The following RARB variants were observed in gnomAD, a reference collection of about 807,000 sequenced individuals.
RARB encodes the protein retinoic acid receptor beta, also known as HBV-activated protein.
A neutral mutation model predicts 51.9 loss-of-function variants in RARB; 17 were observed. That is an observed-to-expected ratio of 0.33 (90% CI 0.22 to 0.49). The LOEUF is 0.49. RARB is among the 20% of genes least tolerant of loss of function. The pLI, the probability that RARB is intolerant of heterozygous loss-of-function variation, is 0.99. For synonymous variants in RARB, 215 were observed against 195.4 expected (o/e 1.10, Z -0.84); for missense variants, 369 against 550.8 (o/e 0.67, Z 3.30).
At chr3:25,308,302 C>A (rs1704200844) in intron 5 of RARB, among the ~76,000 whole-genome samples, 1 of 152,308 alleles carries the variant, frequency 6.6e-6, no homozygotes, top group African/African-American at 2.4e-5. Context: ...GTAGCAAGTA[C>A]AAATCTATCT....
At chr3:25,431,318 A>T (rs1243992806) in intron 1 of RARB, among the ~76,000 whole-genome samples, 2 of 152,112 alleles carry the variant, frequency 1.3e-5, no homozygotes, top group Non-Finnish European at 2.9e-5. Flanking sequence ...AACATGGAGC[A>T]CACCATCACA....
intron 2 of RARB, among the ~76,000 whole-genome samples, chr3:24,931,162 C>G (rs1695430670): frequency 6.6e-6 from 1 of 152,092 alleles, no homozygotes; most frequent in South Asian, 2.1e-4. Flanking sequence ...TCTCGTTGAA[C>G]TGAATGTATT....
intron 3 of RARB, among the ~76,000 whole-genome samples, chr3:25,506,396 A>T (rs536765719): frequency 6.6e-6 from 1 of 152,092 alleles, no homozygotes; most frequent in Admixed American, 6.6e-5. Context: ...TCTTGAGCCC[A>T]GTAGTTTGAG....
At chr3:25,202,237 A>T (rs1000689729) in intron 5 of RARB, among the ~76,000 whole-genome samples, 4 of 152,106 alleles carry the variant, frequency 2.6e-5, no homozygotes, top group Non-Finnish European at 5.9e-5. Flanking sequence ...TGTTTATAGT[A>T]TTCTCTGATG....
intron 3 of RARB, among the ~76,000 whole-genome samples, chr3:25,508,085 T>TGA (rs1451460068): frequency 6.6e-6 from 1 of 152,218 alleles, no homozygotes; most frequent in East Asian, 1.9e-4. Context: ...TGATTTTGTT[T>TGA]GAGAATGCTT....
chr3:25,573,892 G>C (rs1378321831), intron 4 of RARB, among the ~76,000 whole-genome samples: 1 of 152,062 alleles, frequency 6.6e-6, no homozygotes, highest in African/African-American at 2.4e-5. Context: ...AAATGGTTGG[G>C]TCCCCGGAGA....
chr3:25,014,509 T>C (rs1277611395), intron 2 of RARB, among the ~76,000 whole-genome samples: 3 of 152,128 alleles, frequency 2.0e-5, no homozygotes, highest in South Asian at 2.1e-4. Flanking sequence ...CCCAGTCATG[T>C]AGACGAATCT....
chr3:25,158,682 G>A (rs1700417178), intron 4 of RARB, among the ~76,000 whole-genome samples: 1 of 152,260 alleles, frequency 6.6e-6, no homozygotes, highest in African/African-American at 2.4e-5. Context: ...TGTAATTAAT[G>A]ACTTTATTTG....
intron 2 of RARB, among the ~76,000 whole-genome samples, chr3:25,030,816 G>T (rs1052741495): frequency 3.9e-5 from 6 of 152,204 alleles, no homozygotes; most frequent in African/African-American, 1.2e-4. Context: ...CTAAATGTAA[G>T]TTCAAGAGCA....
chr3:25,396,069 C>T (rs1273147930), intron 5 of RARB, among the ~76,000 whole-genome samples: 1 of 152,164 alleles, frequency 6.6e-6, no homozygotes, highest in Non-Finnish European at 1.5e-5. Flanking sequence ...ATGGGGTGTT[C>T]TCCCCCTTCC....
At chr3:25,510,612 C>T (rs1301005535) in intron 3 of RARB, among the ~76,000 whole-genome samples, 1 of 151,486 alleles carries the variant, frequency 6.6e-6, no homozygotes, top group East Asian at 1.9e-4. Flanking sequence ...GGCAACACAG[C>T]AAGACCCTGT....
At chr3:25,055,439 C>A (rs1385891135) in intron 2 of RARB, among the ~76,000 whole-genome samples, 1 of 152,050 alleles carries the variant, frequency 6.6e-6, no homozygotes. Flanking sequence ...ATTGAAAGTA[C>A]AATATATATA....
At chr3:25,220,852 A>T (rs1021052495) in intron 5 of RARB, among the ~76,000 whole-genome samples, 1 of 152,224 alleles carries the variant, frequency 6.6e-6, no homozygotes, top group African/African-American at 2.4e-5. Context: ...ATATTGGGCA[A>T]GTCATCTTTT....
chr3:25,587,088 T>A (rs111839694), intron 5 of RARB, among the ~76,000 whole-genome samples: 3 of 152,330 alleles, frequency 2.0e-5, no homozygotes, highest in African/African-American at 7.2e-5. Flanking sequence ...AACTGACCTC[T>A]CTAAGCCTCA....
At chr3:25,206,663 A>T (rs1701555036) in intron 5 of RARB, among the ~76,000 whole-genome samples, 1 of 152,232 alleles carries the variant, frequency 6.6e-6, no homozygotes, top group Admixed American at 6.5e-5. Flanking sequence ...TGCATGAAAT[A>T]CAGTAGCTCA....
At chr3:24,917,331 A>T (rs528164738) in intron 2 of RARB, among the ~76,000 whole-genome samples, 38 of 152,342 alleles carry the variant, frequency 2.5e-4, no homozygotes, top group Middle Eastern at 3.4e-3. Context: ...GACTAAACTT[A>T]AAAAATGTAT....
chr3:24,957,638 C>T (rs1559411204), intron 2 of RARB, among the ~76,000 whole-genome samples: 1 of 152,204 alleles, frequency 6.6e-6, no homozygotes, highest in Non-Finnish European at 1.5e-5. Flanking sequence ...ATTAGTCTAT[C>T]ATTTTGAATA....
chr3:25,069,109 A>T (rs1293206629), intron 3 of RARB, among the ~76,000 whole-genome samples: 1 of 152,112 alleles, frequency 6.6e-6, no homozygotes, highest in Non-Finnish European at 1.5e-5. Context: ...TGTCAGACAA[A>T]TCTTTTCTCT....
intron 1 of RARB, among the ~76,000 whole-genome samples, chr3:24,832,866 A>G (rs982922899): frequency 6.6e-6 from 1 of 151,870 alleles, no homozygotes; most frequent in Non-Finnish European, 1.5e-5. Flanking sequence ...GAGAGAAATA[A>G]CACTTCCCTA....
Sources: gnomAD v4.1 joint callset for allele counts (sites outside exome capture counted in the v4.1 genomes callset) on GRCh38, gnomAD v4.1.1 for gene constraint, MANE v1.5 for transcripts, NCBI Gene and HGNC (gene_info 2026-07-23, HGNC 2026-07-21) for gene names.